The following MACROD2 variants were observed in gnomAD, a reference collection of about 807,000 sequenced individuals.
MACROD2 encodes ADP-ribose glycohydrolase MACROD2.
MACROD2 carries 36 observed loss-of-function variants against 70.4 expected under a neutral mutation model. That is an observed-to-expected ratio of 0.51 (90% CI 0.39 to 0.68). The LOEUF (loss-of-function observed/expected upper bound fraction) is 0.68, where lower values mean the gene tolerates loss of function less well. MACROD2 is among the 30% of genes least tolerant of loss of function. The pLI, the probability that MACROD2 is intolerant of heterozygous loss-of-function variation, is 0.00. For missense variants in MACROD2, 496 were observed against 538.4 expected (o/e 0.92, Z 0.78); for synonymous variants, 172 against 178.8 (o/e 0.96, Z 0.30).
At chr20:14,968,525 GA>G (rs920545229) in intron 5 of MACROD2, among the ~76,000 whole-genome samples, 6 of 151,756 alleles carry the variant, frequency 4.0e-5, no homozygotes, top group East Asian at 3.9e-4. Flanking sequence ...TAAAAAAAAA[GA>G]AAAAAAATAT....
chr20:15,498,908 G>A (rs1264596190), intron 7 of MACROD2, among the ~76,000 whole-genome samples: 1 of 152,158 alleles, frequency 6.6e-6, no homozygotes, highest in Non-Finnish European at 1.5e-5. Flanking sequence ...GAAAGGTGAT[G>A]GGATTTGGTG....
chr20:14,041,635 T>C (rs757480402), intron 2 of MACROD2, among the ~76,000 whole-genome samples: 5 of 152,144 alleles, frequency 3.3e-5, no homozygotes, highest in Non-Finnish European at 7.4e-5. Flanking sequence ...CTGAAAACCA[T>C]TAGTATTGAA....
At chr20:15,337,041 T>C (rs945722075) in intron 6 of MACROD2, among the ~76,000 whole-genome samples, 40 of 151,766 alleles carry the variant, frequency 2.6e-4, no homozygotes, top group Non-Finnish European at 1.5e-5. Flanking sequence ...GAAACATCTA[T>C]AATAGTTTTG....
chr20:15,281,191 G>A (rs6043168), intron 6 of MACROD2, among the ~76,000 whole-genome samples: 75,430 of 152,030 alleles, frequency 0.5, 19,391 homozygotes, highest in African/African-American at 0.62. Context: ...TGTAGGGATT[G>A]TAGGTATTAC....
At chr20:14,490,906 C>T (rs2084786275) in intron 3 of MACROD2, among the ~76,000 whole-genome samples, 1 of 152,112 alleles carries the variant, frequency 6.6e-6, no homozygotes, top group East Asian at 1.9e-4. Flanking sequence ...TTGACTAAAC[C>T]TACCAATTAT....
At chr20:14,317,389 G>A (rs2082621989) in intron 3 of MACROD2, among the ~76,000 whole-genome samples, 1 of 152,064 alleles carries the variant, frequency 6.6e-6, no homozygotes, top group East Asian at 1.9e-4. Context: ...GGAGGCCAAG[G>A]CGGGTGGATC....
At chr20:14,439,526 AAGAAATTGTTG>A (rs1213841522) in intron 3 of MACROD2, among the ~76,000 whole-genome samples, 1 of 152,134 alleles carries the variant, frequency 6.6e-6, no homozygotes, top group Non-Finnish European at 1.5e-5. Context: ...GTATGTATAT[AAGAAATTGTTG>A]AGAGACAGCA....
intron 9 of MACROD2, among the ~76,000 whole-genome samples, chr20:15,863,354 C>A (rs1210761729): frequency 6.6e-6 from 1 of 152,170 alleles, no homozygotes; most frequent in East Asian, 1.9e-4. Context: ...GTCATTCACA[C>A]TTCTTTTTAG....
At chr20:14,405,194 T>A (rs1279530900) in intron 3 of MACROD2, among the ~76,000 whole-genome samples, 1 of 152,068 alleles carries the variant, frequency 6.6e-6, no homozygotes, top group Non-Finnish European at 1.5e-5. Flanking sequence ...TAAAAATAAT[T>A]TTAGTAAGAA....
At chr20:14,634,866 G>T (rs562474459) in intron 4 of MACROD2, among the ~76,000 whole-genome samples, 1 of 152,178 alleles carries the variant, frequency 6.6e-6, no homozygotes, top group Non-Finnish European at 1.5e-5. Context: ...CATAATTCTT[G>T]CAAGGGAGAG....
chr20:15,143,448 C>A (rs1171301602), intron 5 of MACROD2, among the ~76,000 whole-genome samples: 1 of 151,954 alleles, frequency 6.6e-6, no homozygotes, highest in Non-Finnish European at 1.5e-5. Flanking sequence ...AAAATTTGTT[C>A]CCATTCTGTA....
At chr20:14,638,864 C>A (rs540366830) in intron 4 of MACROD2, among the ~76,000 whole-genome samples, 1 of 151,428 alleles carries the variant, frequency 6.6e-6, no homozygotes, top group East Asian at 1.9e-4. Context: ...GCAGGAGAAT[C>A]ACTTGAACCC....
At chr20:14,561,243 A>G (rs1236851208) in intron 4 of MACROD2, among the ~76,000 whole-genome samples, 1 of 151,866 alleles carries the variant, frequency 6.6e-6, no homozygotes, top group African/African-American at 2.4e-5. Context: ...ATTTAGAAGC[A>G]TTTTATTACA....
chr20:15,374,341 T>G (rs2045533626), intron 6 of MACROD2, among the ~76,000 whole-genome samples: 1 of 152,000 alleles, frequency 6.6e-6, no homozygotes. Flanking sequence ...TATAATCACT[T>G]ATATGATTAC....
At chr20:14,618,021 A>G (rs963082961) in intron 4 of MACROD2, among the ~76,000 whole-genome samples, 3 of 152,204 alleles carry the variant, frequency 2.0e-5, no homozygotes, top group Non-Finnish European at 4.4e-5. Flanking sequence ...GACTAAAGTC[A>G]TAAAGCAACT....
At chr20:15,125,545 G>T (rs1601106974) in intron 5 of MACROD2, among the ~76,000 whole-genome samples, 1 of 152,042 alleles carries the variant, frequency 6.6e-6, no homozygotes, top group South Asian at 2.1e-4. Context: ...GAACGTTTCT[G>T]CTGAGGAAAG....
intron 3 of MACROD2, among the ~76,000 whole-genome samples, chr20:14,179,797 G>A (rs1045962052): frequency 1.3e-5 from 2 of 152,132 alleles, no homozygotes; most frequent in African/African-American, 4.8e-5. Context: ...AGACTCAGTA[G>A]CCCAGGCCTT....
chr20:16,010,729 C>T (rs1220409348), intron 15 of MACROD2, among the ~76,000 whole-genome samples: 2 of 152,184 alleles, frequency 1.3e-5, no homozygotes, highest in Non-Finnish European at 2.9e-5. Flanking sequence ...CCCCTCCATC[C>T]CTTCTGGGGA....
At chr20:15,707,453 C>T (rs2146908082) in intron 8 of MACROD2, among the ~76,000 whole-genome samples, 1 of 152,244 alleles carries the variant, frequency 6.6e-6, no homozygotes, top group South Asian at 2.1e-4. Context: ...TCCATGCCCC[C>T]AGCTTCATAT....
Sources: gnomAD v4.1 joint callset for allele counts (sites outside exome capture counted in the v4.1 genomes callset) on GRCh38, gnomAD v4.1.1 for gene constraint, MANE v1.5 for transcripts, NCBI Gene and HGNC (gene_info 2026-07-23, HGNC 2026-07-21) for gene names.